Variants in SMARCD3 observed in about 807,000 individuals in gnomAD.
SMARCD3 encodes the protein SWI/SNF related BAF chromatin remodeling complex subunit D3, also known as SWI/SNF-related matrix-associated actin-dependent regulator of chromatin subfamily D member 3.
Under a neutral mutation model 58.0 loss-of-function variants are expected in SMARCD3, and 14 were observed. The ratio of observed to expected loss-of-function variants is 0.24; its 90% CI spans 0.16 to 0.38. The LOEUF is 0.38. Ranked by LOEUF, SMARCD3 falls within the 10% of genes least tolerant of loss-of-function variation. The pLI is 1.00. For missense variants in SMARCD3, 408 were observed against 636.9 expected, an observed-to-expected ratio of 0.64 and a Z score of 3.87; for synonymous variants, 253 against 253.8, an observed-to-expected ratio of 1.00 and a Z score of 0.03.
chr7:151,254,517 G>A (rs1803637081), intron 2 of SMARCD3: 1 of 152,558 alleles, frequency 6.6e-6, no homozygotes, highest in South Asian at 2.1e-4. Context: ...GGCACAGAGT[G>A]CTGCCCGCTT....
At position 151,238,802 on chromosome 7, in the gene SMARCD3, T is replaced by C. The variant is rs1339610900; in HGVS notation, c.*301A>G. 6 of 1,544,916 alleles carry C rather than the reference T, an allele frequency of 3.9e-6. No homozygotes were observed. The highest frequency in any genetic ancestry group is 4.3e-6 in the Non-Finnish European group (5 of 1,149,780). ...GTATTTTTTAAATATGAAAATGTTA[T>C]TAAACATGTCTTCTGCCAAACTGTT... is the stretch of plus-strand genomic sequence containing the variant. On this transcript the variant is annotated 3_prime_UTR_variant, in exon 13 of 13. Coordinates refer to ENST00000262188, the MANE Select transcript of SMARCD3 (RefSeq NM_001003801.2).
In SMARCD3 at chr7:151,239,922, G is replaced by GA. The variant is rs1802873890; in HGVS notation, c.1174-177dup. On this transcript the variant is annotated intron_variant, in intron 10 of 12. Coordinates refer to ENST00000262188, the MANE Select transcript of SMARCD3 (RefSeq NM_001003801.2). The surrounding 1 kb of genome is among the most constrained non-coding windows in gnomAD (Gnocchi z 7.0). ...GAGGGGATGGGCAGAACTAAACTTG[G>GA]AATGAGGTTCAGCTCCAAGCAGCAT... Among the ~76,000 whole-genome samples, 1 of 151,734 alleles carries GA rather than the reference G, an allele frequency of 6.6e-6. No individual in the cohort carries two copies. Among genetic ancestry groups the GA allele is most frequent in the African/African-American group, 2.4e-5 (1 of 41,274 alleles).
At chr7:151,259,475 C>G (rs1803832306) in intron 2 of SMARCD3, among the ~76,000 whole-genome samples, 1 of 151,106 alleles carries the variant, frequency 6.6e-6, no homozygotes, top group Admixed American at 6.6e-5. Flanking sequence ...ACTGCTAAAT[C>G]CCAAGTACCT....
upstream of SMARCD3, chr7:151,248,738 ACGCCGCCGCCGCCCGCCCGC>A (rs1208241271): frequency 5.1e-6 from 6 of 1,169,830 alleles, no homozygotes; most frequent in African/African-American, 1.6e-5. This position sits in a 1 kb window ranked among gnomAD's most constrained non-coding sequence, Gnocchi z 6.1. Flanking sequence ...CCCACGGCCC[ACGCCGCCGCCGCCCGCCCGC>A]CGCCGCCGCC....
At chr7:151,257,347 G>C (rs988680849) in intron 2 of SMARCD3, among the ~76,000 whole-genome samples, 2 of 152,152 alleles carry the variant, frequency 1.3e-5, no homozygotes, top group Non-Finnish European at 2.9e-5. Context: ...AATGCTCCTG[G>C]CAGGGCCACC....
intron 2 of SMARCD3, among the ~76,000 whole-genome samples, chr7:151,268,434 T>G (rs951145262): frequency 1.4e-4 from 21 of 152,180 alleles, no homozygotes; most frequent in African/African-American, 5.1e-4. Context: ...GACACAGCAG[T>G]GAAAGTCAAT....
chr7:151,253,838 C>T (rs971261137), intron 2 of SMARCD3, among the ~76,000 whole-genome samples: 13 of 151,748 alleles, frequency 8.6e-5, no homozygotes, highest in African/African-American at 3.2e-4. Context: ...GCTCTGCTGG[C>T]GGGCAATAGG....
intron 2 of SMARCD3, among the ~76,000 whole-genome samples, chr7:151,264,831 T>C (rs1411093037): frequency 1.3e-5 from 2 of 152,154 alleles, no homozygotes; most frequent in Non-Finnish European, 2.9e-5. Flanking sequence ...GCATACTAAC[T>C]GCCCAGGGTA....
At chr7:151,267,215 C>G (rs576536567) in intron 2 of SMARCD3, among the ~76,000 whole-genome samples, 49 of 152,308 alleles carry the variant, frequency 3.2e-4, no homozygotes, top group Middle Eastern at 3.4e-3. Flanking sequence ...GGAGCTTAGC[C>G]TACAAAACAG....
chr7:151,257,896 G>A (rs966080064), intron 2 of SMARCD3, among the ~76,000 whole-genome samples: 1 of 152,024 alleles, frequency 6.6e-6, no homozygotes, highest in African/African-American at 2.4e-5. Flanking sequence ...CCTCCAGCCC[G>A]GTCCTCTCTC....
At chr7:151,253,586 G>A (rs973897177), upstream of SMARCD3, among the ~76,000 whole-genome samples, 4 of 66 alleles carry the variant, frequency 0.061, no homozygotes, top group Admixed American at 0.25. Context: ...GCAGGAGAGC[G>A]GGGCTGGGCG....
chr7:151,240,853 TGAAAA>T (rs1475876054), intron 8 of SMARCD3: 1 of 329,854 alleles, frequency 3.0e-6, no homozygotes, highest in African/African-American at 2.1e-5. Context: ...AGAGTGGGGA[TGAAAA>T]GAATACCTAT....
At position 151,241,825 on chromosome 7, in the gene SMARCD3, C is replaced by T. The variant is rs1412645952; in HGVS notation, c.777+52G>A. On this transcript the variant is annotated intron_variant, in intron 7 of 12. Transcript: ENST00000262188. This position sits in a 1 kb window ranked among gnomAD's most constrained non-coding sequence, Gnocchi z 5.3. ...AGATGCACCACTTTGGGACCTAGCC[C>T]TGCCCTGAGGGCCTTGTGTGGCGTG... 1 of 1,523,090 alleles carries T rather than the reference C, an allele frequency of 6.6e-7. No homozygotes were observed. Among genetic ancestry groups the T allele is most frequent in the Non-Finnish European group, 9.0e-7 (1 of 1,110,464 alleles). The allele number at this position is 1,523,090 out of a possible 1,614,324, so 94.3% of individuals were successfully genotyped here. A position where few individuals can be genotyped will look rare whatever the true frequency, so the allele number is the denominator to read the frequency against.
upstream of SMARCD3, among the ~76,000 whole-genome samples, chr7:151,249,879 G>A (rs969029960): frequency 6.6e-6 from 1 of 152,028 alleles, no homozygotes; most frequent in African/African-American, 2.4e-5. The surrounding 1 kb of genome is among the most constrained non-coding windows in gnomAD (Gnocchi z 4.8). Flanking sequence ...CCCAGGCAGG[G>A]AGTCCTGGGC....
chr7:151,248,378 C>T lies in SMARCD3; in HGVS notation c.78+107G>A. On this transcript the variant is annotated intron_variant, in intron 1 of 12. Transcript: ENST00000262188. This position sits in a 1 kb window ranked among gnomAD's most constrained non-coding sequence, Gnocchi z 6.1. ...GGGCCGTGGGCCATGACGCCCCCCA[C>T]TAGAGGGGTGGGAGAGCGGGAGCGC... The T allele has an allele frequency of 1.0e-6, 1 of 991,280 alleles. No individual in the cohort carries two copies. Among genetic ancestry groups the T allele is most frequent in the Non-Finnish European group, 1.6e-6 (1 of 636,750 alleles). The allele number at this position is 991,280 out of a possible 1,614,324, so 61.4% of individuals were successfully genotyped here.
Position 151,241,628 on chromosome 7 carries a change from C to T in SMARCD3, c.803G>A (p.Arg268His), listed in dbSNP as rs770251720. The T allele has an allele frequency of 5.0e-6, 8 of 1,611,280 alleles. No individual in the cohort carries two copies. The highest frequency in any genetic ancestry group is 1.7e-5 in the Admixed American group (1 of 59,620). Residue 268 changes from arginine to histidine, a missense_variant, in exon 8 of 13, where the codon CGC (arginine) becomes CAC (histidine). Transcript: ENST00000262188. The surrounding 1 kb of genome is among the most constrained non-coding windows in gnomAD (Gnocchi z 5.3). ...GTGCAGCCCCAGCAGCCGGGCTAGG[C>T]GGGGATCCAGTTTGAACTGGGGAGG... is the stretch of plus-strand genomic sequence containing the variant. ...YQPPQFKLDP[R>H]LARLLGLHTQ... is the part of the protein sequence containing the mutation.
At chr7:151,261,806 G>T (rs374559257) in intron 2 of SMARCD3, among the ~76,000 whole-genome samples, 6 of 152,224 alleles carry the variant, frequency 3.9e-5, no homozygotes, top group African/African-American at 9.6e-5. Flanking sequence ...ATGGCATGAC[G>T]GGTACAAGCG....
chr7:151,242,941 C>T lies in SMARCD3; in HGVS notation c.334-98G>A. On this transcript the variant is annotated intron_variant, in intron 3 of 12. Transcript: ENST00000262188. The surrounding 1 kb of genome is among the most constrained non-coding windows in gnomAD (Gnocchi z 4.7). ...TGCAATCCTAGGGTACAAAAGATGTCAGGGGAGCCATCCTACTTTTGGGCA... is the reference window on the plus strand; with the variant it reads ...TGCAATCCTAGGGTACAAAAGATGTTAGGGGAGCCATCCTACTTTTGGGCA... 2 of 1,444,502 alleles carry T rather than the reference C, an allele frequency of 1.4e-6. No homozygotes were observed. Among genetic ancestry groups the T allele is most frequent in the Non-Finnish European group, 1.9e-6 (2 of 1,066,364 alleles). 89.5% of individuals were successfully genotyped at this position (1,444,502 alleles called of 1,614,324 possible).
At chr7:151,253,304 C>T (rs1051154750), upstream of SMARCD3, among the ~76,000 whole-genome samples, 4 of 152,264 alleles carry the variant, frequency 2.6e-5, no homozygotes, top group East Asian at 5.8e-4. Flanking sequence ...CACTCACTCC[C>T]TCCGTCCTCC....
Sources: allele counts gnomAD v4.1 joint callset (sites outside exome capture counted in the v4.1 genomes callset), GRCh38; gene constraint gnomAD v4.1.1; non-coding constraint Gnocchi (gnomAD v3.1); transcripts MANE v1.5; gene names NCBI Gene and HGNC (gene_info 2026-07-23, HGNC 2026-07-21).